Variants in MDGA2 observed in about 807,000 individuals in gnomAD.
The protein encoded by MDGA2 is MAM domain-containing glycosylphosphatidylinositol anchor protein 2.
Under a neutral mutation model 117.8 loss-of-function variants are expected in MDGA2, and 40 were observed. That is an observed-to-expected ratio of 0.34 (90% CI 0.26 to 0.44). The LOEUF (loss-of-function observed/expected upper bound fraction) is 0.44. Among genes scored for constraint, MDGA2 ranks in the 20% least tolerant of loss-of-function variants. The pLI, the probability that MDGA2 is intolerant of heterozygous loss-of-function variation, is 1.00. For synonymous variants in MDGA2, 452 were observed against 439.0 expected (o/e 1.03, Z -0.37); for missense variants, 1,123 against 1,250.6 (o/e 0.90, Z 1.54).
chr14:47,360,351 C>CAAAA (rs1555376179), intron 1 of MDGA2, among the ~76,000 whole-genome samples: 1 of 47,442 alleles, frequency 2.1e-5, no homozygotes, highest in Non-Finnish European at 4.9e-5. Context: ...GAGTCCATCT[C>CAAAA]AAAAAATAAA....
At chr14:47,308,093 A>G (rs1378420631) in intron 1 of MDGA2, among the ~76,000 whole-genome samples, 1 of 152,138 alleles carries the variant, frequency 6.6e-6, no homozygotes, top group South Asian at 2.1e-4. Flanking sequence ...ACAAAAGGTC[A>G]TTGCCTTTGG....
At chr14:47,406,143 T>G (rs1032958336) in intron 1 of MDGA2, among the ~76,000 whole-genome samples, 3 of 152,120 alleles carry the variant, frequency 2.0e-5, no homozygotes, top group Admixed American at 1.3e-4. Context: ...AAGGTTATAC[T>G]CTCACACTGC....
chr14:47,639,812 C>G (rs1017302010), intron 1 of MDGA2, among the ~76,000 whole-genome samples: 3 of 152,150 alleles, frequency 2.0e-5, no homozygotes, highest in African/African-American at 7.2e-5. Context: ...ATGTGCCTTT[C>G]TGCACAGTAG....
rs534053498 is a variant in MDGA2, at chr14:47,456,029, A to T, written c.281-154479T>A. The stretch of plus-strand genomic sequence containing the variant: ...AAAGTAAAATAAAATAAAATAAAAT[A>T]AAAATTAAAATAAAGAAAGAAAGAA... On this transcript the variant is annotated intron_variant, in intron 1 of 16. Transcript: ENST00000399232. 7.6e-4 allele frequency among the ~76,000 whole-genome samples: 115 copies of T among 151,984 alleles called. 1 individual carries two copies. The highest frequency in any genetic ancestry group is 1.5e-3 in the East Asian group (8 of 5,168).
intron 1 of MDGA2, among the ~76,000 whole-genome samples, chr14:47,616,034 GAGT>G (rs1407163994): frequency 1.3e-5 from 2 of 152,172 alleles, no homozygotes; most frequent in African/African-American, 4.8e-5. Context: ...TGGGAGGAAT[GAGT>G]AGGAGCGAGA....
chr14:47,305,618 A>T (rs1001193921), intron 1 of MDGA2, among the ~76,000 whole-genome samples: 4 of 152,144 alleles, frequency 2.6e-5, no homozygotes, highest in Non-Finnish European at 5.9e-5. Context: ...GGGCATTTTA[A>T]TCCTTTCACC....
At chr14:47,320,739 T>G (rs922259964) in intron 1 of MDGA2, among the ~76,000 whole-genome samples, 1 of 152,172 alleles carries the variant, frequency 6.6e-6, no homozygotes, top group Non-Finnish European at 1.5e-5. Context: ...AACTTACATA[T>G]AGTAAACTTA....
intron 1 of MDGA2, among the ~76,000 whole-genome samples, chr14:47,328,380 GT>G (rs1489175364): frequency 8.5e-5 from 13 of 152,244 alleles, no homozygotes; most frequent in African/African-American, 2.6e-4. Context: ...AAAAAGAAGT[GT>G]TTGGAGAAGA....
At chr14:47,003,758 C>G (rs1181492124) in intron 8 of MDGA2, among the ~76,000 whole-genome samples, 2 of 151,922 alleles carry the variant, frequency 1.3e-5, no homozygotes, top group Non-Finnish European at 2.9e-5. Flanking sequence ...TTTCAAACAG[C>G]AGAAGTTTAT....
intron 8 of MDGA2, among the ~76,000 whole-genome samples, chr14:46,980,486 G>T (rs764145275): frequency 6.6e-6 from 1 of 152,182 alleles, no homozygotes; most frequent in African/African-American, 2.4e-5. Flanking sequence ...ATTACATAAT[G>T]TTCATTGATA....
At chr14:47,662,159 T>G (rs2138294637) in intron 1 of MDGA2, among the ~76,000 whole-genome samples, 1 of 152,282 alleles carries the variant, frequency 6.6e-6, no homozygotes, top group East Asian at 1.9e-4. Flanking sequence ...TTGCCAACAC[T>G]GAATTAGAGT....
At chr14:47,282,717 A>AAAAAAC (rs1566718704) in intron 2 of MDGA2, among the ~76,000 whole-genome samples, 9 of 148,274 alleles carry the variant, frequency 6.1e-5, no homozygotes, top group African/African-American at 1.5e-4. Flanking sequence ...ACAAAAAACA[A>AAAAAAC]AAAACAAAAA....
At chr14:47,024,533 C>T (rs1594538829) in intron 8 of MDGA2, among the ~76,000 whole-genome samples, 1 of 152,188 alleles carries the variant, frequency 6.6e-6, no homozygotes. Flanking sequence ...ATAGTTTCCT[C>T]CCTTGATTAA....
intron 1 of MDGA2, among the ~76,000 whole-genome samples, chr14:47,391,472 A>G (rs1011871059): frequency 6.6e-6 from 1 of 152,176 alleles, no homozygotes; most frequent in Non-Finnish European, 1.5e-5. Flanking sequence ...GTCAGACACA[A>G]TATAATGGCA....
chr14:47,628,656 A>G (rs551097364), intron 1 of MDGA2, among the ~76,000 whole-genome samples: 1 of 152,328 alleles, frequency 6.6e-6, no homozygotes, highest in East Asian at 1.9e-4. Context: ...TTTGAGTATC[A>G]AGATATACTG....
chr14:47,055,489 C>T (rs1889642537), intron 7 of MDGA2, among the ~76,000 whole-genome samples: 2 of 152,026 alleles, frequency 1.3e-5, no homozygotes, highest in Admixed American at 6.6e-5. Flanking sequence ...GTGTGCTCCC[C>T]TATAACTTCT....
intron 1 of MDGA2, among the ~76,000 whole-genome samples, chr14:47,604,140 C>T (rs184860886): frequency 1.2e-4 from 18 of 152,130 alleles, no homozygotes; most frequent in African/African-American, 4.3e-4. Flanking sequence ...AGCCTCCAAG[C>T]CTTTGGAAGA....
chr14:47,022,615 C>T (rs961211583), intron 8 of MDGA2, among the ~76,000 whole-genome samples: 1 of 151,914 alleles, frequency 6.6e-6, no homozygotes, highest in Middle Eastern at 3.2e-3. Context: ...TAAAAAGGTA[C>T]AGACTTAGAA....
At chr14:47,288,928 A>G (rs557009886) in intron 2 of MDGA2, among the ~76,000 whole-genome samples, 1 of 152,288 alleles carries the variant, frequency 6.6e-6, no homozygotes, top group African/African-American at 2.4e-5. Flanking sequence ...AGCTTTTCAG[A>G]AAATGGCTGT....
Sources: allele counts gnomAD v4.1 joint callset (sites outside exome capture counted in the v4.1 genomes callset), GRCh38; gene constraint gnomAD v4.1.1; transcripts MANE v1.5; gene names NCBI Gene and HGNC (gene_info 2026-07-23, HGNC 2026-07-21).